SERINC1: variants seen among roughly 807,000 people sequenced by gnomAD.
SERINC1 encodes tumor differentially expressed protein 2.
In SERINC1, 38 loss-of-function variants were observed where a neutral mutation model predicts 52.9. That is an observed-to-expected ratio of 0.72 (90% CI 0.55 to 0.94). The LOEUF is 0.94. Among genes scored for constraint, SERINC1 ranks in the 40% least tolerant of loss-of-function variants. The pLI is 0.00. For synonymous variants in SERINC1, 198 were observed against 183.1 expected (o/e 1.08, Z -0.66); for missense variants, 471 against 533.9 (o/e 0.88, Z 1.16).
rs573693226 is a variant in SERINC1 at position 122,464,844 on chromosome 6, C to T, written c.40-6163G>A. 7.2e-5 allele frequency among the ~76,000 whole-genome samples: 11 copies of T among 152,226 alleles called. 1 individual carries two copies. Among genetic ancestry groups the T allele is most frequent in the African/African-American group, 2.6e-4 (11 of 41,542 alleles). On this transcript the variant is annotated intron_variant, in intron 1 of 9. Coordinates refer to ENST00000339697, the MANE Select transcript of SERINC1 (RefSeq NM_020755.4). ...CTGGTTCTCAAACTGTAACAACTAC[C>T]AGAATTACCTGGAGGGCTTATTAAA...
Position 122,471,777 on chromosome 6 carries a change from G to T in SERINC1, c.-40C>A, listed in dbSNP as rs1775309306. The T allele has an allele frequency of 5.0e-6, 8 of 1,613,392 alleles. No individual in the cohort carries two copies. The highest frequency in any genetic ancestry group is 6.8e-6 in the Non-Finnish European group (8 of 1,179,746). On this transcript the variant is annotated 5_prime_UTR_variant, in exon 1 of 10. Coordinates refer to ENST00000339697, the MANE Select transcript of SERINC1 (RefSeq NM_020755.4). ...AAGAGCAGCGGATACAGACAAGATG[G>T]AGACAGCTTCTTTCTCGCCTTTCCG...
intron 7 of SERINC1, among the ~76,000 whole-genome samples, chr6:122,449,331 G>T (rs755919608): frequency 2.0e-5 from 3 of 152,152 alleles, no homozygotes; most frequent in Non-Finnish European, 4.4e-5. Flanking sequence ...GCTGAGTTGC[G>T]AATGCAAAGA....
At position 122,454,049 on chromosome 6, in the gene SERINC1, C is replaced by G. The variant is rs982654135; in HGVS notation, c.451+102G>C. ...CCAACTGGGGAAACACACACACACA[C>G]ACCCCCAAACAAAAAGACAAACAAT... is the stretch of plus-strand genomic sequence containing the variant. On this transcript the variant is annotated intron_variant, in intron 4 of 9. Transcript: ENST00000339697. The G allele has an allele frequency of 5.5e-6, 6 of 1,090,752 alleles. No homozygotes were observed. In the African/African-American group the frequency reaches 8.1e-5, roughly 15 times the overall value. The allele number at this position is 1,090,752 out of a possible 1,614,324, so 67.6% of individuals were successfully genotyped here.
rs1320456991 is a variant in SERINC1, at chr6:122,471,754, G to C, written c.-17C>G. Reference sequence around the variant, plus strand: ...GCTCCCCATCTCCACAACGTCACAAGAGCAGCGGATACAGACAAGATGGAG... The same window carrying C: ...GCTCCCCATCTCCACAACGTCACAACAGCAGCGGATACAGACAAGATGGAG... On this transcript the variant is annotated 5_prime_UTR_variant, in exon 1 of 10. Transcript: ENST00000339697. 2 of 1,613,932 alleles carry C rather than the reference G, an allele frequency of 1.2e-6. No homozygotes were observed. Among genetic ancestry groups the C allele is most frequent in the East Asian group, 2.2e-5 (1 of 44,880 alleles).
intron 1 of SERINC1, among the ~76,000 whole-genome samples, chr6:122,467,392 G>C (rs1775208357): frequency 6.6e-6 from 1 of 152,086 alleles, no homozygotes; most frequent in African/African-American, 2.4e-5. Context: ...ATCACTTGAG[G>C]CTAGGAGTTC....
intron 1 of SERINC1, among the ~76,000 whole-genome samples, chr6:122,462,997 T>G (rs961040010): frequency 1.3e-5 from 2 of 151,984 alleles, no homozygotes; most frequent in African/African-American, 2.4e-5. Context: ...AACACCAGAA[T>G]AGCTCAAACA....
At chr6:122,445,320 TC>T in intron 9 of SERINC1, 141 bp from the exon 10 acceptor site, 1 of 771,380 alleles carries the variant, frequency 1.3e-6, no homozygotes, top group East Asian at 2.7e-5. Flanking sequence ...TCTAATCTGC[TC>T]CCTTTCTTTC....
At chr6:122,456,444 C>T in intron 3 of SERINC1, 37 bp downstream of exon 3, 1 of 1,339,984 alleles carries the variant, frequency 7.5e-7, no homozygotes, top group East Asian at 2.6e-5. Flanking sequence ...GAAGAGGCTA[C>T]CCAAGCTTTT....
intron 1 of SERINC1, among the ~76,000 whole-genome samples, chr6:122,461,039 T>G (rs1385913779): frequency 6.6e-6 from 1 of 151,866 alleles, no homozygotes. Context: ...AAGAAAAGGA[T>G]CAGAACATTG....
At chr6:122,447,406 T>C (rs1562212496) in intron 7 of SERINC1, 141 bp from the exon 8 acceptor site, 4 of 591,238 alleles carry the variant, frequency 6.8e-6, no homozygotes, top group Admixed American at 3.2e-5. Flanking sequence ...ACAAAAATAA[T>C]TGAAGAAAAC....
intron 1 of SERINC1, among the ~76,000 whole-genome samples, chr6:122,462,141 T>C (rs1775116166): frequency 6.6e-6 from 1 of 152,132 alleles, no homozygotes; most frequent in African/African-American, 2.4e-5. Flanking sequence ...GTCATCTCAA[T>C]AGATACAGAA....
intron 4 of SERINC1, 67 bp from the exon 5 acceptor site, chr6:122,453,974 C>A: frequency 1.3e-6 from 2 of 1,488,648 alleles, no homozygotes; most frequent in South Asian, 1.3e-5. Context: ...CTTTCAAAAT[C>A]ACAGTACACA....
In SERINC1 at chr6:122,465,288, T is replaced by C. The variant is rs182471217; in HGVS notation, c.39+6411A>G. On this transcript the variant is annotated intron_variant, in intron 1 of 9. Transcript: ENST00000339697. ...GTCTCTGTAAGTGACACTAAAGGTATAGTAAAAATAGATGATTGGTTGAAT... is the reference window on the plus strand; with the variant it reads ...GTCTCTGTAAGTGACACTAAAGGTACAGTAAAAATAGATGATTGGTTGAAT... 3.6e-3 allele frequency among the ~76,000 whole-genome samples: 553 copies of C among 152,236 alleles called. 4 individuals carry two copies. The highest frequency in any genetic ancestry group is 0.012 in the African/African-American group (508 of 41,540).
intron 4 of SERINC1, 28 bp from the exon 5 acceptor site, chr6:122,453,935 T>G: frequency 6.5e-7 from 1 of 1,549,450 alleles, no homozygotes; most frequent in Non-Finnish European, 8.7e-7. Flanking sequence ...CATACATAAG[T>G]GATTGGTTAG....
In SERINC1 at chr6:122,453,816, C is replaced by A. The variant is rs755971588; in HGVS notation, c.543G>T (p.Ser181=). 5 of 1,608,542 alleles carry A rather than the reference C, an allele frequency of 3.1e-6. No individual in the cohort carries two copies. Among genetic ancestry groups the A allele is most frequent in the Non-Finnish European group, 4.3e-6 (5 of 1,176,374 alleles). ...LIDFAHSWNE[S]WVEKMEEGNS... ...TCCCTTCTTCCATTTTTTCAACCCACGATTCATTCCATGAATGTGCAAAAT... is the reference window on the plus strand; with the variant it reads ...TCCCTTCTTCCATTTTTTCAACCCAAGATTCATTCCATGAATGTGCAAAAT... The change falls in exon 5 of 10, where the codon TCG becomes TCT. Residue 181 remains serine, a synonymous_variant. Transcript: ENST00000339697.
intron 1 of SERINC1, among the ~76,000 whole-genome samples, chr6:122,460,009 T>C (rs1311851910): frequency 6.6e-6 from 1 of 152,168 alleles, no homozygotes; most frequent in Non-Finnish European, 1.5e-5. Context: ...CAACAGGCAA[T>C]GTAAAGCCAG....
In SERINC1 at chr6:122,447,015, GA is replaced by G. The variant is rs1562212285; in HGVS notation, c.996-12del. On this transcript the variant is annotated splice_polypyrimidine_tract_variant and intron_variant, in intron 8 of 9. Coordinates refer to ENST00000339697, the MANE Select transcript of SERINC1 (RefSeq NM_020755.4). ...TTTGAAGTACGGATGCTGTATGAAA[GA>G]GAGTTTAGGAGGAGAGAAAAAAAAG... 30 of 1,586,900 alleles carry G rather than the reference GA, an allele frequency of 1.9e-5. No homozygotes were observed. Among genetic ancestry groups the G allele is most frequent in the Non-Finnish European group, 2.5e-5 (29 of 1,156,076 alleles).
At chr6:122,457,686 A>G (rs1221857587) in intron 2 of SERINC1, among the ~76,000 whole-genome samples, 1 of 152,070 alleles carries the variant, frequency 6.6e-6, no homozygotes, top group African/African-American at 2.4e-5. Context: ...GAACTTGACC[A>G]TGGTGGCACC....
Position 122,447,015 on chromosome 6 carries a change from G to C in SERINC1, c.996-11C>G. The C allele has an allele frequency of 6.3e-7, 1 of 1,586,900 alleles. No homozygotes were observed. Among genetic ancestry groups the C allele is most frequent in the South Asian group, 1.1e-5 (1 of 90,222 alleles). On this transcript the variant is annotated splice_polypyrimidine_tract_variant and intron_variant, in intron 8 of 9. Transcript: ENST00000339697. Reference sequence around the variant, plus strand: ...TTTGAAGTACGGATGCTGTATGAAAGAGAGTTTAGGAGGAGAGAAAAAAAA... The same window carrying C: ...TTTGAAGTACGGATGCTGTATGAAACAGAGTTTAGGAGGAGAGAAAAAAAA...
Sources: allele counts gnomAD v4.1 joint callset (sites outside exome capture counted in the v4.1 genomes callset), GRCh38; gene constraint gnomAD v4.1.1; transcripts MANE v1.5; gene names NCBI Gene and HGNC (gene_info 2026-07-23, HGNC 2026-07-21).